NHSL1: variants seen among roughly 807,000 people sequenced by gnomAD.
NHSL1 encodes NHS like 1.
A neutral mutation model predicts 95.0 loss-of-function variants in NHSL1; 48 were observed. The ratio of observed to expected loss-of-function variants is 0.51; its 90% CI spans 0.40 to 0.64. NHSL1 has a LOEUF of 0.64. Among genes scored for constraint, NHSL1 ranks in the 30% least tolerant of loss-of-function variants. The pLI, the probability that NHSL1 is intolerant of heterozygous loss-of-function variation, is 0.00. For missense variants in NHSL1, 1,971 were observed against 2,077.7 expected (o/e 0.95, Z 1.00); for synonymous variants, 783 against 833.9 (o/e 0.94, Z 1.05).
chr6:138,483,640 CT>C (rs1677799262), intron 2 of NHSL1, among the ~76,000 whole-genome samples: 1 of 152,190 alleles, frequency 6.6e-6, no homozygotes, highest in African/African-American at 2.4e-5. Flanking sequence ...ATTGACACCC[CT>C]GTCTCCTTTA....
At chr6:138,490,850 T>C (rs1227829950) in intron 2 of NHSL1, among the ~76,000 whole-genome samples, 1 of 152,194 alleles carries the variant, frequency 6.6e-6, no homozygotes, top group Non-Finnish European at 1.5e-5. Context: ...GCCAGGATGG[T>C]ATCTATCTCC....
In NHSL1 at chr6:138,499,254, T is replaced by G. The variant is rs1780542268; in HGVS notation, c.37A>C (p.Ile13Leu). ...TTACTTTTCTTCTTAAAAAGTTTAA[T>G]TAAAGACTTAATCTTTGCATTAATG... The part of the protein sequence containing the change: ...VFINAKIKSL[I>L]KLFKKKTVSN... The change falls in exon 1 of 8, where the codon ATT (isoleucine) becomes CTT (leucine). Residue 13 changes from isoleucine to leucine, a missense_variant. Coordinates refer to ENST00000343505, the MANE Select transcript of NHSL1 (RefSeq NM_001144060.2). 1.9e-6 allele frequency: 3 copies of G among 1,550,084 alleles called. No homozygotes were observed. The highest frequency in any genetic ancestry group is 2.6e-6 in the Non-Finnish European group (3 of 1,145,832).
At chr6:138,482,291 C>A (rs1449628947) in intron 2 of NHSL1, among the ~76,000 whole-genome samples, 2 of 151,896 alleles carry the variant, frequency 1.3e-5, no homozygotes, top group Non-Finnish European at 2.9e-5. Context: ...ATTAAAAATA[C>A]AAAAATTAGC....
chr6:138,527,735 C>T (rs897884271), intron 1 of NHSL1, among the ~76,000 whole-genome samples: 2 of 152,186 alleles, frequency 1.3e-5, no homozygotes, highest in African/African-American at 4.8e-5. Context: ...TGAACACACA[C>T]ACATGACAGA....
At position 138,430,546 on chromosome 6, in the gene NHSL1, C is replaced by A. The variant is rs1186232802; in HGVS notation, c.3799G>T (p.Ala1267Ser). 1.3e-6 allele frequency: 2 copies of A among 1,551,078 alleles called. No homozygotes were observed. Among genetic ancestry groups the A allele is most frequent in the African/African-American group, 1.4e-5 (1 of 73,018 alleles). The part of the protein sequence containing the change: ...HPGTSVLEGG[A>S]AGSMSPSRVE... ...CTGCTGGGAGACATGGATCCTGCAG[C>A]TCCTCCCTCAAGAACCGAGGTGCCA... The change falls in exon 6 of 8, where the codon GCT becomes TCT. Residue 1267 changes from alanine (A) to serine (S), a missense_variant. Physicochemically the swap from Ala to Ser is moderately conservative, Grantham distance 99. Transcript: ENST00000343505. This position sits in a 1 kb window ranked among gnomAD's most constrained non-coding sequence, Gnocchi z 4.7.
chr6:138,514,390 C>G (rs1371889067), intron 1 of NHSL1, among the ~76,000 whole-genome samples: 1 of 152,068 alleles, frequency 6.6e-6, no homozygotes, highest in East Asian at 1.9e-4. Flanking sequence ...AGTAGTTCTC[C>G]CTTATCCACA....
intron 2 of NHSL1, among the ~76,000 whole-genome samples, chr6:138,489,375 T>A (rs962286418): frequency 2.0e-5 from 3 of 152,140 alleles, no homozygotes; most frequent in Admixed American, 6.5e-5. Flanking sequence ...ACAAACAAAA[T>A]TAAACTCAAG....
At chr6:138,646,500 G>GA (rs775670461) in intron 1 of NHSL1, among the ~76,000 whole-genome samples, 79 of 142,510 alleles carry the variant, frequency 5.5e-4, no homozygotes, top group Admixed American at 1.5e-3. Flanking sequence ...CTGTCTCGAG[G>GA]AAAAAAAAAA....
chr6:138,585,581 T>TTC (rs916466931), intron 1 of NHSL1, among the ~76,000 whole-genome samples: 3 of 152,046 alleles, frequency 2.0e-5, no homozygotes, highest in African/African-American at 4.8e-5. Context: ...TTGGTCAAAC[T>TTC]TCTCTCTCTC....
At chr6:138,662,000 C>G (rs9495190) in intron 1 of NHSL1, among the ~76,000 whole-genome samples, 6,082 of 152,104 alleles carry the variant, frequency 0.04, 317 homozygotes, top group African/African-American at 0.12. Context: ...CTTGAGCCCA[C>G]AAGTTTGAGG....
chr6:138,526,142 T>C (rs189033518), intron 1 of NHSL1, among the ~76,000 whole-genome samples: 2 of 147,326 alleles, frequency 1.4e-5, no homozygotes, highest in Admixed American at 1.3e-4. Flanking sequence ...ATAGAAAGAA[T>C]AGAATTTTAA....
At position 138,433,009 on chromosome 6, in the gene NHSL1, C is replaced by T. The variant is rs1233454659; in HGVS notation, c.1336G>A (p.Ala446Thr). Reference sequence around the variant, plus strand: ...AGGTGGTCTCTGGATTTTATCCTTGCATGTGATGAGCCAGAACTTTTACTT... The same window carrying T: ...AGGTGGTCTCTGGATTTTATCCTTGTATGTGATGAGCCAGAACTTTTACTT... Reference protein sequence around the residue: ...RESKSSGSSHARIKSRDHLIS... With the variant: ...RESKSSGSSHTRIKSRDHLIS... The change falls in exon 6 of 8, where the codon GCA (alanine) becomes ACA (threonine). Residue 446 changes from alanine to threonine, a missense_variant. By Grantham distance (58) the Ala-to-Thr change is moderately conservative. Around this residue, in one of 3 missense-constraint regions of NHSL1, gnomAD observed 1,602 missense variants for 1,654.5 expected, o/e 0.97. Coordinates refer to ENST00000343505, the MANE Select transcript of NHSL1 (RefSeq NM_001144060.2). The T allele has an allele frequency of 1.3e-6, 2 of 1,551,536 alleles. No individual in the cohort carries two copies. Among genetic ancestry groups the T allele is most frequent in the Non-Finnish European group, 1.7e-6 (2 of 1,147,010 alleles).
intron 1 of NHSL1, among the ~76,000 whole-genome samples, chr6:138,682,110 A>T (rs1308131099): frequency 5.3e-5 from 8 of 151,880 alleles, no homozygotes; most frequent in African/African-American, 1.9e-4. Flanking sequence ...ACCTCCCGAG[A>T]TTACAGGCAC....
rs143531688 is a variant in NHSL1, at chr6:138,538,114, T to C, written c.16+7509A>G. ...ATAAATTAGCCACCTTGGGACAATA[T>C]TGATCTCTTTTGCATAAAATACTGG... On this transcript the variant is annotated intron_variant, in intron 1 of 4. Coordinates refer to the NHSL1 transcript ENST00000342260. Among the ~76,000 whole-genome samples the C allele has an allele frequency of 9.4e-4, 143 of 152,340 alleles. 1 individual carries two copies. The highest frequency in any genetic ancestry group is 3.3e-3 in the African/African-American group (139 of 41,578).
At chr6:138,659,098 G>C (rs1785193514) in intron 1 of NHSL1, among the ~76,000 whole-genome samples, 1 of 143,292 alleles carries the variant, frequency 7.0e-6, no homozygotes. Context: ...CACCCAGGCT[G>C]GAGTGTAGTG....
intron 1 of NHSL1, among the ~76,000 whole-genome samples, chr6:138,569,665 T>G (rs139649719): frequency 6.6e-6 from 1 of 152,236 alleles, no homozygotes; most frequent in African/African-American, 2.4e-5. Context: ...CAAATGTCAC[T>G]TCTGTATTTC....
At chr6:138,594,682 TGA>T (rs987097562) in intron 1 of NHSL1, among the ~76,000 whole-genome samples, 6 of 150,726 alleles carry the variant, frequency 4.0e-5, no homozygotes, top group African/African-American at 1.2e-4. Flanking sequence ...GACAAATAAT[TGA>T]GAGGGTGTGT....
rs143054060 is a variant in NHSL1 at position 138,586,924 on chromosome 6, T to C, written c.97-90553A>G. Reference sequence around the variant, plus strand: ...CAGAGCCATCTTTCATAAAGGTTCTTATTCAATAGGTTATGGGTAGAGTGG... The same window carrying C: ...CAGAGCCATCTTTCATAAAGGTTCTCATTCAATAGGTTATGGGTAGAGTGG... On this transcript the variant is annotated intron_variant, in intron 1 of 3. Transcript: ENST00000491526. Among the ~76,000 whole-genome samples, 9 of 151,876 alleles carry C rather than the reference T, an allele frequency of 5.9e-5. No individual in the cohort carries two copies. The East Asian group carries it at 1.8e-3, about 30-fold the overall frequency.
chr6:138,572,847 G>GTAGATAGATAGATAGATAGA (rs60380179), upstream of NHSL1, among the ~76,000 whole-genome samples: 1,216 of 149,836 alleles, frequency 8.1e-3, 12 homozygotes, highest in African/African-American at 0.012. Context: ...GCTTAATACA[G>GTAGATAGATAGATAGATAGA]TAGATAGATA....
Sources: allele counts gnomAD v4.1 joint callset (sites outside exome capture counted in the v4.1 genomes callset), GRCh38; gene constraint gnomAD v4.1.1; regional missense constraint gnomAD v4.1.1; non-coding constraint Gnocchi (gnomAD v3.1); transcripts MANE v1.5; gene names NCBI Gene and HGNC (gene_info 2026-07-23, HGNC 2026-07-21).